Variants in TCERG1L observed in about 807,000 individuals in gnomAD.
The protein encoded by TCERG1L is transcription elongation regulator 1 like, also known as transcription elongation regulator 1-like protein.
Under a neutral mutation model 56.3 loss-of-function variants are expected in TCERG1L, and 37 were observed. That is an observed-to-expected ratio of 0.66 (90% CI 0.51 to 0.87). The LOEUF (loss-of-function observed/expected upper bound fraction) is 0.87. TCERG1L is among the 40% of genes least tolerant of loss of function. The pLI is 0.00. For synonymous variants in TCERG1L, 324 were observed against 326.3 expected, an observed-to-expected ratio of 0.99 and a Z score of 0.08; for missense variants, 799 against 774.2, an observed-to-expected ratio of 1.03 and a Z score of -0.38.
chr10:131,194,820 T>C (rs1487070954), intron 4 of TCERG1L, among the ~76,000 whole-genome samples: 4 of 152,240 alleles, frequency 2.6e-5, no homozygotes, highest in Non-Finnish European at 5.9e-5. Flanking sequence ...TCATAAACTC[T>C]GTGCCTACGG....
intron 4 of TCERG1L, among the ~76,000 whole-genome samples, chr10:131,195,274 T>C (rs2133467211): frequency 6.6e-6 from 1 of 152,208 alleles, no homozygotes; most frequent in Middle Eastern, 3.4e-3. Context: ...ACCTGGCCGG[T>C]GGGTGTGGCT....
At chr10:131,159,266 G>A (rs546427297) in intron 6 of TCERG1L, among the ~76,000 whole-genome samples, 7 of 152,270 alleles carry the variant, frequency 4.6e-5, no homozygotes, top group East Asian at 1.9e-4. Flanking sequence ...TGACCTCTCC[G>A]TCTAAGTATT....
At chr10:131,134,079 C>T (rs562170378) in intron 8 of TCERG1L, among the ~76,000 whole-genome samples, 1 of 152,238 alleles carries the variant, frequency 6.6e-6, no homozygotes, top group Admixed American at 6.5e-5. Context: ...GCACCTGGCC[C>T]CCATGACCAC....
chr10:131,138,490 T>C (rs1006261066), intron 7 of TCERG1L, among the ~76,000 whole-genome samples: 6 of 152,128 alleles, frequency 3.9e-5, no homozygotes, highest in Non-Finnish European at 7.4e-5. Flanking sequence ...AGTTGCCCCA[T>C]TACAATGCCT....
In TCERG1L at chr10:131,098,210, G is replaced by T. The variant is rs1845268594; in HGVS notation, c.1604+96C>A. On this transcript the variant is annotated intron_variant, in intron 11 of 11. Coordinates refer to ENST00000368642, the MANE Select transcript of TCERG1L (RefSeq NM_174937.4). ...ACACTTTCGTGTCTGTGGAAGGCTG[G>T]GTTACACGATTTAACAAAAACAAAC... 3 of 1,308,432 alleles carry T rather than the reference G, an allele frequency of 2.3e-6. No homozygotes were observed. In the African/African-American group the frequency reaches 4.5e-5, roughly 20 times the overall value. The allele number at this position is 1,308,432 out of a possible 1,614,324, so 81.1% of individuals were successfully genotyped here.
chr10:131,095,623 A>G (rs896805188), intron 11 of TCERG1L: 87 of 152,366 alleles, frequency 5.7e-4, no homozygotes, highest in African/African-American at 2.1e-3. Flanking sequence ...TACTTTTAAA[A>G]TGAAAAAAAT....
chr10:131,220,383 G>T (rs1377203412), intron 4 of TCERG1L, among the ~76,000 whole-genome samples: 1 of 152,184 alleles, frequency 6.6e-6, no homozygotes, highest in African/African-American at 2.4e-5. Context: ...GGCTCTGTCT[G>T]CAGGACGCAG....
intron 4 of TCERG1L, among the ~76,000 whole-genome samples, chr10:131,204,312 C>T (rs1284575669): frequency 6.6e-6 from 1 of 152,206 alleles, no homozygotes; most frequent in Non-Finnish European, 1.5e-5. Context: ...TATAGAGGAG[C>T]GGGAACAGAC....
intron 7 of TCERG1L, among the ~76,000 whole-genome samples, chr10:131,134,789 G>T (rs977321733): frequency 6.6e-6 from 1 of 152,266 alleles, no homozygotes; most frequent in Non-Finnish European, 1.5e-5. Flanking sequence ...TCTATGTCAT[G>T]TTCTTGAGAG....
chr10:131,234,065 G>A (rs180899063), intron 4 of TCERG1L, among the ~76,000 whole-genome samples: 3 of 152,338 alleles, frequency 2.0e-5, no homozygotes, highest in Admixed American at 2.0e-4. Flanking sequence ...AAGCCAAGCA[G>A]ATGCCAGTGC....
chr10:131,093,287 C>A lies in TCERG1L; in HGVS notation c.1636G>T (p.Gly546Cys). The change falls in exon 12 of 12, where the codon GGC (glycine) becomes TGC (cysteine). Residue 546 changes from glycine to cysteine, a missense_variant. Physicochemically the swap from Gly to Cys is radical, Grantham distance 159. Transcript: ENST00000368642. The part of the protein sequence containing the change: ...TTFKEFAEKY[G>C]RDQRFRLVQK... The stretch of plus-strand genomic sequence containing the variant: ...ACAAGTCGGAACCTCTGATCCCGGC[C>A]GTATTTCTCTGCAAACTCCTTAAAC... 1 of 1,613,818 alleles carries A rather than the reference C, an allele frequency of 6.2e-7. No homozygotes were observed. Among genetic ancestry groups the A allele is most frequent in the Non-Finnish European group, 8.5e-7 (1 of 1,179,822 alleles).
At chr10:131,196,380 G>A (rs1845363662) in intron 4 of TCERG1L, among the ~76,000 whole-genome samples, 2 of 152,140 alleles carry the variant, frequency 1.3e-5, no homozygotes, top group Non-Finnish European at 2.9e-5. Context: ...GAAGGTGGTG[G>A]GCGTGTTGGT....
chr10:131,230,591 C>T (rs997670445), intron 4 of TCERG1L, among the ~76,000 whole-genome samples: 3 of 152,216 alleles, frequency 2.0e-5, no homozygotes, highest in Admixed American at 6.5e-5. Context: ...TGAGTCAAAT[C>T]GTATCTCAGC....
intron 6 of TCERG1L, among the ~76,000 whole-genome samples, chr10:131,152,988 C>T (rs1845881704): frequency 6.6e-6 from 1 of 152,186 alleles, no homozygotes; most frequent in African/African-American, 2.4e-5. Context: ...CTGCCCTTGA[C>T]ACATGGGGAT....
At chr10:131,094,393 G>A (rs1452267378) in intron 11 of TCERG1L, among the ~76,000 whole-genome samples, 1 of 152,172 alleles carries the variant, frequency 6.6e-6, no homozygotes. Flanking sequence ...TTGCAGACAC[G>A]GAATTATTGT....
chr10:131,227,175 T>C (rs903641192), intron 4 of TCERG1L, among the ~76,000 whole-genome samples: 5 of 152,240 alleles, frequency 3.3e-5, no homozygotes, highest in Non-Finnish European at 5.9e-5. Context: ...CTTTGTTTAA[T>C]GTGGCACTTC....
At position 131,107,301 on chromosome 10, in the gene TCERG1L, T is replaced by G. The variant is rs1283303526; in HGVS notation, c.1396-2947A>C. ...CCTATGTGGCATAACGACACCAGTT[T>G]CTGGAAAATGTTGGAGTTCTAGAAG... On this transcript the variant is annotated intron_variant, in intron 9 of 11. Coordinates refer to ENST00000368642, the MANE Select transcript of TCERG1L (RefSeq NM_174937.4). Among the ~76,000 whole-genome samples the G allele has an allele frequency of 3.3e-5, 5 of 152,166 alleles. No individual in the cohort carries two copies. The East Asian group carries it at 9.6e-4, about 29-fold the overall frequency.
intron 4 of TCERG1L, among the ~76,000 whole-genome samples, chr10:131,177,248 C>T (rs1336432247): frequency 6.6e-6 from 1 of 152,078 alleles, no homozygotes; most frequent in Non-Finnish European, 1.5e-5. Context: ...GTACACTACA[C>T]ACACACAGGC....
At chr10:131,222,844 T>C (rs768642353) in intron 4 of TCERG1L, among the ~76,000 whole-genome samples, 1 of 152,102 alleles carries the variant, frequency 6.6e-6, no homozygotes, top group Non-Finnish European at 1.5e-5. Context: ...GGCTGGGGCC[T>C]CTCCCAGCCC....
Sources: allele counts gnomAD v4.1 joint callset (sites outside exome capture counted in the v4.1 genomes callset), GRCh38; gene constraint gnomAD v4.1.1; transcripts MANE v1.5; gene names NCBI Gene and HGNC (gene_info 2026-07-23, HGNC 2026-07-21).